Variants in CFAP20DC observed in about 807,000 individuals in gnomAD.
The protein encoded by CFAP20DC is CFAP20 domain containing, also known as protein CFAP20DC.
In CFAP20DC, 84 loss-of-function variants were observed where a neutral mutation model predicts 101.7. That is an observed-to-expected ratio of 0.83 (90% confidence interval 0.69 to 0.99). The LOEUF (loss-of-function observed/expected upper bound fraction) is 0.99. Ranked by LOEUF, CFAP20DC falls within the 50% of genes least tolerant of loss-of-function variation. The pLI, the probability that CFAP20DC is intolerant of heterozygous loss-of-function variation, is 0.00. For missense variants in CFAP20DC, 1,007 were observed against 970.3 expected, an observed-to-expected ratio of 1.04 and a Z score of -0.50; for synonymous variants, 359 against 351.2, an observed-to-expected ratio of 1.02 and a Z score of -0.25.
intron 6 of CFAP20DC, among the ~76,000 whole-genome samples, chr3:58,890,709 G>A (rs1049345826): frequency 3.4e-5 from 5 of 148,706 alleles, no homozygotes; most frequent in African/African-American, 5.0e-5. Context: ...CTTCTCAGAC[G>A]GGGCGGCCGG....
In CFAP20DC at chr3:58,863,272, T is replaced by C; in HGVS notation, c.1593+286A>G. ...TGCTATCATAGCACTAAACTGCATA[T>C]CGTTTCTCATCCTGTGATTCAAAGA... is the stretch of plus-strand genomic sequence containing the variant. On this transcript the variant is annotated intron_variant, in intron 12 of 16. Coordinates refer to ENST00000482387, the MANE Select transcript of CFAP20DC (RefSeq NM_001394063.1). This position sits in a 1 kb window ranked among gnomAD's most constrained non-coding sequence, Gnocchi z 5.9. The C allele has an allele frequency of 1.4e-6, 2 of 1,402,064 alleles. No homozygotes were observed. The highest frequency in any genetic ancestry group is 1.7e-5 in the South Asian group (1 of 57,442). 86.9% of individuals were successfully genotyped at this position (1,402,064 alleles called of 1,614,324 possible).
downstream of CFAP20DC, among the ~76,000 whole-genome samples, chr3:58,740,032 C>T (rs576026756): frequency 2.0e-5 from 3 of 152,250 alleles, no homozygotes; most frequent in African/African-American, 7.2e-5. The surrounding 1 kb of genome is among the most constrained non-coding windows in gnomAD (Gnocchi z 4.6). Flanking sequence ...AACTGGTGAA[C>T]TGGAATCCCA....
chr3:58,974,957 G>A (rs2092188437), intron 4 of CFAP20DC, among the ~76,000 whole-genome samples: 1 of 152,156 alleles, frequency 6.6e-6, no homozygotes, highest in African/African-American at 2.4e-5. Flanking sequence ...TCCTTTGCTG[G>A]CTATTGGTCT....
intron 1 of CFAP20DC, among the ~76,000 whole-genome samples, chr3:59,048,638 TG>T (rs1700060699): frequency 6.6e-6 from 1 of 152,130 alleles, no homozygotes; most frequent in Non-Finnish European, 1.5e-5. Flanking sequence ...TGATAACGAA[TG>T]GGACAGAAGA....
At chr3:58,765,471 C>CAAAAAAAAAAAAAAAAAACAAAAA (rs1288496269) in intron 15 of CFAP20DC, among the ~76,000 whole-genome samples, 1 of 27,762 alleles carries the variant, frequency 3.6e-5, no homozygotes, top group African/African-American at 1.3e-4. Context: ...ACATTCTAGC[C>CAAAAAAAAAAAAAAAAAACAAAAA]AAAAAAAAAA....
chr3:58,761,803 T>C (rs1265224425), intron 15 of CFAP20DC, among the ~76,000 whole-genome samples: 2 of 152,246 alleles, frequency 1.3e-5, no homozygotes, highest in South Asian at 2.1e-4. Flanking sequence ...TATGCAGTAG[T>C]CATTCAGGAG....
At chr3:58,797,945 T>C (rs926641726) in intron 15 of CFAP20DC, among the ~76,000 whole-genome samples, 2 of 152,160 alleles carry the variant, frequency 1.3e-5, no homozygotes, top group African/African-American at 2.4e-5. Context: ...ATCTTGAGCC[T>C]ACTACTGAGA....
At chr3:59,046,458 C>G (rs1423470343) in intron 2 of CFAP20DC, 136 bp from the exon 3 acceptor site, 3 of 617,458 alleles carry the variant, frequency 4.9e-6, no homozygotes, top group Non-Finnish European at 8.2e-6. Flanking sequence ...GGCCTTAGTA[C>G]TTTTATTCCA....
intron 15 of CFAP20DC, among the ~76,000 whole-genome samples, chr3:58,780,835 C>A (rs959965126): frequency 1.3e-5 from 2 of 151,840 alleles, no homozygotes; most frequent in Non-Finnish European, 2.9e-5. Context: ...ATAATAATAG[C>A]TGGGAATTTC....
intron 6 of CFAP20DC, among the ~76,000 whole-genome samples, chr3:58,911,660 A>G (rs2084171710): frequency 6.6e-6 from 1 of 152,148 alleles, no homozygotes; most frequent in African/African-American, 2.4e-5. Flanking sequence ...TAAAATAAAA[A>G]CACATTATTC....
At chr3:59,000,894 T>G (rs1321393186) in intron 4 of CFAP20DC, among the ~76,000 whole-genome samples, 2 of 152,058 alleles carry the variant, frequency 1.3e-5, no homozygotes, top group Non-Finnish European at 2.9e-5. Flanking sequence ...GGAACTCAAA[T>G]TAAGGTCACT....
chr3:58,966,357 C>T (rs564847406), intron 4 of CFAP20DC, among the ~76,000 whole-genome samples: 5 of 152,158 alleles, frequency 3.3e-5, no homozygotes, highest in Non-Finnish European at 1.5e-5. Context: ...CGTGTCCCTA[C>T]GTCAGGCTTG....
intron 6 of CFAP20DC, among the ~76,000 whole-genome samples, chr3:58,898,908 G>GTT (rs541689992): frequency 6.4e-4 from 93 of 144,714 alleles, no homozygotes; most frequent in African/African-American, 2.2e-3. Flanking sequence ...TTTTCTCTTT[G>GTT]TTTTTTTTTT....
In CFAP20DC at chr3:58,926,374, AAAG is replaced by A. The variant is rs551586438; in HGVS notation, c.393+11271_393+11273del. ...GAGTGCGTGAGACTCCATTAAAAAA[AAAG>A]AAGAAGAAGAAGAAAAAAAGAAAAA... On this transcript the variant is annotated intron_variant, in intron 5 of 16. Coordinates refer to ENST00000482387, the MANE Select transcript of CFAP20DC (RefSeq NM_001394063.1). Among the ~76,000 whole-genome samples, 453 of 152,204 alleles carry A rather than the reference AAAG, an allele frequency of 3.0e-3. 3 individuals are homozygous for A. The highest frequency in any genetic ancestry group is 4.2e-3 in the Non-Finnish European group (287 of 68,014).
At chr3:58,814,608 C>G (rs1392752258) in intron 14 of CFAP20DC, among the ~76,000 whole-genome samples, 5 of 151,164 alleles carry the variant, frequency 3.3e-5, no homozygotes, top group African/African-American at 1.2e-4. Context: ...CTAGAAAACC[C>G]CATTGTCTCA....
chr3:58,967,227 T>C (rs1372997857), intron 4 of CFAP20DC, among the ~76,000 whole-genome samples: 2 of 152,254 alleles, frequency 1.3e-5, no homozygotes, highest in African/African-American at 4.8e-5. Context: ...CTACAGATAA[T>C]TGAGTTCTAA....
chr3:58,960,463 G>A (rs2091039123), intron 4 of CFAP20DC, among the ~76,000 whole-genome samples: 1 of 150,062 alleles, frequency 6.7e-6, no homozygotes, highest in Non-Finnish European at 1.5e-5. Context: ...CTGCACTCCA[G>A]CCTGGGTGAC....
At chr3:58,739,586 T>C (rs2067835984), downstream of CFAP20DC, among the ~76,000 whole-genome samples, 1 of 152,242 alleles carries the variant, frequency 6.6e-6, no homozygotes, top group Non-Finnish European at 1.5e-5. Context: ...ATCTAATCTA[T>C]AGCAATGGTC....
chr3:59,000,858 A>AAC (rs2093289641), intron 4 of CFAP20DC, among the ~76,000 whole-genome samples: 1 of 152,206 alleles, frequency 6.6e-6, no homozygotes, highest in Non-Finnish European at 1.5e-5. Flanking sequence ...ATTTAGGTGA[A>AAC]TAATATATGA....
Sources: gnomAD v4.1 joint callset for allele counts (sites outside exome capture counted in the v4.1 genomes callset) on GRCh38, gnomAD v4.1.1 for gene constraint, Gnocchi (gnomAD v3.1) non-coding constraint, MANE v1.5 for transcripts, NCBI Gene and HGNC (gene_info 2026-07-23, HGNC 2026-07-21) for gene names.